The following MIEF1 variants were observed in gnomAD, a reference collection of about 807,000 sequenced individuals.
MIEF1 encodes mitochondrial elongation factor 1.
In MIEF1, 14 loss-of-function variants were observed where a neutral mutation model predicts 35.1. The ratio of observed to expected loss-of-function variants is 0.40; its 90% confidence interval spans 0.26 to 0.62. MIEF1 has a LOEUF of 0.62. Ranked by LOEUF, MIEF1 falls within the 20% of genes least tolerant of loss-of-function variation. The probability of loss-of-function intolerance (pLI) is 0.43; values close to 1 mark genes in which losing one functional copy is unlikely to be tolerated. For missense variants in MIEF1, 542 were observed against 615.4 expected (o/e 0.88, Z 1.26); for synonymous variants, 245 against 254.3 (o/e 0.96, Z 0.35).
At chr22:39,508,765 T>C (rs1930180143) in intron 2 of MIEF1, among the ~76,000 whole-genome samples, 1 of 152,120 alleles carries the variant, frequency 6.6e-6, no homozygotes, top group South Asian at 2.1e-4. Flanking sequence ...CTGTAAATGG[T>C]AGAGAAAAGG....
Position 39,511,995 on chromosome 22 carries a change from C to G in MIEF1, c.291C>G (p.Thr97=), listed in dbSNP as rs774706763. 3 of 1,613,880 alleles carry G rather than the reference C, an allele frequency of 1.9e-6. No individual in the cohort carries two copies. In the Admixed American group the frequency reaches 5.0e-5, roughly 27 times the overall value. The change falls in exon 4 of 6, where the codon ACC becomes ACG. Residue 97 remains threonine (T), a synonymous_variant. Coordinates refer to ENST00000325301, the MANE Select transcript of MIEF1 (RefSeq NM_019008.6). ...MKTGLSRSLQ[T]LPTDSSTFDT... is the part of the protein sequence containing the mutation. ...CGGGCCTGAGCCGGTCCTTGCAGAC[C>G]CTTCCCACAGACTCCTCCACCTTCG... is the stretch of plus-strand genomic sequence containing the variant.
Position 39,515,099 on chromosome 22 carries a change from G to A in MIEF1, c.*776G>A. 1.6e-6 allele frequency: 1 copy of A among 612,708 alleles called. No individual in the cohort carries two copies. The highest frequency in any genetic ancestry group is 3.0e-6 in the Non-Finnish European group (1 of 338,496). The allele number at this position is 612,708 out of a possible 1,614,324, so 38.0% of individuals were successfully genotyped here. A position where few individuals can be genotyped will look rare whatever the true frequency, so the allele number is the denominator to read the frequency against. On this transcript the variant is annotated 3_prime_UTR_variant, in exon 6 of 6. Transcript: ENST00000325301. ...GAGCTGGTTAAGGGCCTAGTGAAGG[G>A]TTTGTGTGCCCAGTGTCTGCTCGTC...
Position 39,514,237 on chromosome 22 carries a change from G to T in MIEF1, c.1306G>T (p.Ala436Ser). Residue 436 changes from alanine to serine, a missense_variant, in exon 6 of 6, where the codon GCA (alanine) becomes TCA (serine). Transcript: ENST00000325301. ...SALNPKVNLF[A>S]ELTPEEIDEL... ...CCTAAACCCCAAGGTGAACTTATTT[G>T]CAGAGCTCACCCCTGAAGAAATAGA... 1 of 1,614,192 alleles carries T rather than the reference G, an allele frequency of 6.2e-7. No individual in the cohort carries two copies. Among genetic ancestry groups the T allele is most frequent in the Non-Finnish European group, 8.5e-7 (1 of 1,180,030 alleles).
Position 39,513,910 on chromosome 22 carries a change from C to A in MIEF1, c.979C>A (p.Pro327Thr), listed in dbSNP as rs755667019. 1.2e-6 allele frequency: 2 copies of A among 1,613,958 alleles called. No homozygotes were observed. Among genetic ancestry groups the A allele is most frequent in the African/African-American group, 2.7e-5 (2 of 74,938 alleles). The change falls in exon 6 of 6, where the codon CCA (proline) becomes ACA (threonine). Residue 327 changes from proline (P) to threonine (T), a missense_variant. By Grantham distance (38) the Pro-to-Thr change is conservative (BLOSUM62 -1). Coordinates refer to ENST00000325301, the MANE Select transcript of MIEF1 (RefSeq NM_019008.6). ...TLGDTVLVAK[P>T]HRLAQYDNLW... ...CGGTGACACAGTCTTGGTGGCCAAA[C>A]CACACCGGCTAGCCCAGTATGACAA...
intron 2 of MIEF1, chr22:39,509,380 T>C (rs1207596537): frequency 6.6e-6 from 1 of 152,284 alleles, no homozygotes; most frequent in African/African-American, 2.4e-5. Flanking sequence ...TGCTGAGTGG[T>C]ATTCCGATCT....
chr22:39,500,137 C>CAAAT (rs1601737294), upstream of MIEF1: 1 of 152,412 alleles, frequency 6.6e-6, no homozygotes. Flanking sequence ...AACAAACAAA[C>CAAAT]ACCCTGCAAT....
chr22:39,508,488 TAAAAC>T (rs969199587), intron 2 of MIEF1, among the ~76,000 whole-genome samples: 3 of 152,228 alleles, frequency 2.0e-5, no homozygotes, highest in Non-Finnish European at 2.9e-5. Context: ...AGTAAAGAGT[TAAAAC>T]AAGAGACATT....
At chr22:39,504,617 A>G (rs555522245) in intron 2 of MIEF1, 83 bp downstream of exon 2, 12 of 382,358 alleles carry the variant, frequency 3.1e-5, no homozygotes, top group Non-Finnish European at 4.6e-5. Context: ...CCTTTTAGTC[A>G]TTAGAAATCA....
chr22:39,510,751 G>A (rs1189871963), intron 2 of MIEF1, among the ~76,000 whole-genome samples: 1 of 152,122 alleles, frequency 6.6e-6, no homozygotes, highest in Admixed American at 6.5e-5. Flanking sequence ...AGAGAGACCT[G>A]CTTTATAACC....
Position 39,511,868 on chromosome 22 carries a change from G to A in MIEF1, c.164G>A (p.Ser55Asn). The A allele has an allele frequency of 6.2e-7, 1 of 1,613,880 alleles. No homozygotes were observed. The highest frequency in any genetic ancestry group is 8.5e-7 in the Non-Finnish European group (1 of 1,179,794). The change falls in exon 4 of 6, where the codon AGT (serine) becomes AAT (asparagine). Residue 55 changes from serine to asparagine, a missense_variant. Physicochemically the swap from Ser to Asn is conservative, Grantham distance 46. Transcript: ENST00000325301. ...AVKRMYDRAISAPTSPTRLSH... is the reference protein window; with the variant it reads ...AVKRMYDRAINAPTSPTRLSH... ...TTTCAGATGTACGATCGGGCGATCA[G>A]TGCCCCTACCAGCCCCACCCGCCTG...
chr22:39,516,619 C>T lies in MIEF1; in HGVS notation c.*2296C>T, dbSNP rs368915904. 1.5e-4 allele frequency: 23 copies of T among 152,362 alleles called. No individual in the cohort carries two copies. In the East Asian group the frequency reaches 4.4e-3, roughly 29 times the overall value. 9.4% of individuals were successfully genotyped at this position (152,362 alleles called of 1,614,324 possible). ...TCGGGAGGCTGAGGCAGGAGAATAA[C>T]TTAAACCCGGGAGGCGGAGGTTACA... On this transcript the variant is annotated 3_prime_UTR_variant, in exon 6 of 6. Transcript: ENST00000325301.
chr22:39,505,275 C>T (rs1929958962), intron 2 of MIEF1, among the ~76,000 whole-genome samples: 1 of 152,206 alleles, frequency 6.6e-6, no homozygotes, highest in Admixed American at 6.5e-5. Context: ...ACCTTGAATG[C>T]CTGGCCTCAA....
chr22:39,501,174 TG>T (rs1204983797), upstream of MIEF1, among the ~76,000 whole-genome samples: 38 of 152,164 alleles, frequency 2.5e-4, no homozygotes, highest in Non-Finnish European at 4.4e-5. Flanking sequence ...GCCTCCCCTC[TG>T]GCCTCTTTCC....
chr22:39,510,707 G>T lies in MIEF1; in HGVS notation c.-7-581G>T, dbSNP rs372757421. On this transcript the variant is annotated intron_variant, in intron 2 of 5. Transcript: ENST00000325301. Reference sequence around the variant, plus strand: ...CACAAAGTAGTGGCCAAAGGACGAAGAAATGACCTGCATTATAACCCCTGT... The same window carrying T: ...CACAAAGTAGTGGCCAAAGGACGAATAAATGACCTGCATTATAACCCCTGT... Among the ~76,000 whole-genome samples, 31 of 152,338 alleles carry T rather than the reference G, an allele frequency of 2.0e-4. 2 individuals are homozygous for T. The East Asian group carries it at 6.0e-3, about 29-fold the overall frequency.
chr22:39,507,925 A>C (rs547588430), intron 2 of MIEF1, among the ~76,000 whole-genome samples: 1 of 152,168 alleles, frequency 6.6e-6, no homozygotes, highest in Non-Finnish European at 1.5e-5. Flanking sequence ...CGAATTTTCA[A>C]GGCCGTTTTA....
At chr22:39,507,930 G>GTT (rs1930128774) in intron 2 of MIEF1, among the ~76,000 whole-genome samples, 2 of 152,124 alleles carry the variant, frequency 1.3e-5, no homozygotes, top group African/African-American at 4.8e-5. Context: ...TTTCAAGGCC[G>GTT]TTTTAGAGCA....
At chr22:39,500,683 G>A (rs139541408), upstream of MIEF1, among the ~76,000 whole-genome samples, 964 of 151,170 alleles carry the variant, frequency 6.4e-3, 6 homozygotes, top group African/African-American at 0.023. Flanking sequence ...CTCCATCTTG[G>A]TTTTCTTTTC....
intron 5 of MIEF1, 133 bp downstream of exon 5, chr22:39,512,627 C>G (rs1023884090): frequency 8.5e-7 from 1 of 1,173,920 alleles, no homozygotes; most frequent in Admixed American, 2.6e-5. Flanking sequence ...ACCTCAGCAG[C>G]ATTTGGAGAT....
At position 39,513,884 on chromosome 22, in the gene MIEF1, T is replaced by C; in HGVS notation, c.953T>C (p.Leu318Pro). 1 of 1,614,034 alleles carries C rather than the reference T, an allele frequency of 6.2e-7. No individual in the cohort carries two copies. Among genetic ancestry groups the C allele is most frequent in the African/African-American group, 1.3e-5 (1 of 75,034 alleles). ...ATTGACTTCCTGCCATCAGTGACCCTCGGTGACACAGTCTTGGTGGCCAAA... is the reference window on the plus strand; with the variant it reads ...ATTGACTTCCTGCCATCAGTGACCCCCGGTGACACAGTCTTGGTGGCCAAA... ...LFIDFLPSVT[L>P]GDTVLVAKPH... The change falls in exon 6 of 6, where the codon CTC becomes CCC. Residue 318 changes from leucine to proline, a missense_variant. Coordinates refer to ENST00000325301, the MANE Select transcript of MIEF1 (RefSeq NM_019008.6).
Sources: gnomAD v4.1 joint callset for allele counts (sites outside exome capture counted in the v4.1 genomes callset) on GRCh38, gnomAD v4.1.1 for gene constraint, MANE v1.5 for transcripts, NCBI Gene and HGNC (gene_info 2026-07-23, HGNC 2026-07-21) for gene names.